The following YIPF3 variants were observed in gnomAD, a reference collection of about 807,000 sequenced individuals.
The protein encoded by YIPF3 is Yip1 domain family member 3, also known as protein YIPF3.
Under a neutral mutation model 40.3 loss-of-function variants are expected in YIPF3, and 18 were observed. The ratio of observed to expected loss-of-function variants is 0.45; its 90% CI spans 0.31 to 0.66. The LOEUF (loss-of-function observed/expected upper bound fraction) is 0.66. Among genes scored for constraint, YIPF3 ranks in the 30% least tolerant of loss-of-function variants. The pLI, the probability that YIPF3 is intolerant of heterozygous loss-of-function variation, is 0.07. For synonymous variants in YIPF3, 190 were observed against 179.6 expected (o/e 1.06, Z -0.46); for missense variants, 406 against 452.2 (o/e 0.90, Z 0.93).
At chr6:43,515,479 G>A (rs1375691015) in intron 3 of YIPF3, 116 bp downstream of exon 3, 46 of 937,240 alleles carry the variant, frequency 4.9e-5, no homozygotes, top group Non-Finnish European at 7.1e-5. Flanking sequence ...GTGATGAGAG[G>A]TGATGGGGTC....
chr6:43,514,400 C>A (rs1183795142), intron 3 of YIPF3, among the ~76,000 whole-genome samples: 1 of 152,254 alleles, frequency 6.6e-6, no homozygotes, highest in Non-Finnish European at 1.5e-5. Flanking sequence ...AACGCCTCCT[C>A]TTCCTGCTTA....
chr6:43,513,788 G>C (rs1278016907), intron 3 of YIPF3, 155 bp from the exon 4 acceptor site: 2 of 630,764 alleles, frequency 3.2e-6, no homozygotes, highest in East Asian at 2.9e-5. Context: ...AGTAAAGACA[G>C]ATAGGGAATG....
chr6:43,513,241 A>C, intron 5 of YIPF3, 41 bp from the exon 6 acceptor site: 1 of 1,613,608 alleles, frequency 6.2e-7, no homozygotes, highest in South Asian at 1.1e-5. Context: ...GAGGCCTCTG[A>C]TCTCAGCCTC....
chr6:43,514,032 G>C (rs919025665), intron 3 of YIPF3, among the ~76,000 whole-genome samples: 1 of 152,208 alleles, frequency 6.6e-6, no homozygotes, highest in Non-Finnish European at 1.5e-5. Context: ...ACAAGGTCAG[G>C]AGTTTGAGGC....
intron 8 of YIPF3, 60 bp downstream of exon 8, chr6:43,512,380 C>CAAG: frequency 6.2e-7 from 1 of 1,614,110 alleles, no homozygotes; most frequent in Non-Finnish European, 8.5e-7. Context: ...TCATATCTAG[C>CAAG]TTCTTGCTCT....
chr6:43,515,531 G>A, intron 3 of YIPF3, 64 bp downstream of exon 3: 2 of 1,557,148 alleles, frequency 1.3e-6, no homozygotes, highest in East Asian at 2.2e-5. Context: ...CTTGAAATCT[G>A]ACTGTAGTGT....
At chr6:43,512,598 C>G in intron 7 of YIPF3, 35 bp from the exon 8 acceptor site, 1 of 1,588,102 alleles carries the variant, frequency 6.3e-7, no homozygotes, top group Non-Finnish European at 8.6e-7. Flanking sequence ...AAGGGCCTGG[C>G]TCCAAAGTGA....
In YIPF3 at chr6:43,515,558, G is replaced by A. The variant is rs1792787942; in HGVS notation, c.395+37C>T. The A allele has an allele frequency of 3.7e-6, 6 of 1,607,430 alleles. No homozygotes were observed. The Admixed American group carries it at 6.7e-5, about 18-fold the overall frequency. On this transcript the variant is annotated intron_variant, in intron 3 of 8. Coordinates refer to ENST00000372422, the MANE Select transcript of YIPF3 (RefSeq NM_015388.4). ...CTGTAGTGTGCATGAAGGTCTAGGTGTTAGGAGGGAAGCTTCTTCAAGAGA... is the reference window on the plus strand; with the variant it reads ...CTGTAGTGTGCATGAAGGTCTAGGTATTAGGAGGGAAGCTTCTTCAAGAGA...
At chr6:43,514,566 C>T (rs1346771109) in intron 3 of YIPF3, among the ~76,000 whole-genome samples, 1 of 152,184 alleles carries the variant, frequency 6.6e-6, no homozygotes, top group East Asian at 1.9e-4. Flanking sequence ...TGTCCTGTCC[C>T]ACCCACCAAC....
intron 3 of YIPF3, among the ~76,000 whole-genome samples, chr6:43,514,483 C>T (rs1002063900): frequency 1.3e-5 from 2 of 152,164 alleles, no homozygotes; most frequent in African/African-American, 2.4e-5. Context: ...TTAGTCACTT[C>T]CCTCTTCTCT....
In YIPF3 at chr6:43,512,182, G is replaced by C. The variant is rs1179468481; in HGVS notation, c.1038C>G (p.Thr346=). Residue 346 remains threonine, a synonymous_variant, in exon 9 of 9, where the codon ACC becomes ACG. Coordinates refer to ENST00000372422, the MANE Select transcript of YIPF3 (RefSeq NM_015388.4). ...TCAGGTGGGGTCAGTGTGACTGCAG[G>C]GTCACCGCAACAGCTTTGGCTGTGG... The part of the protein sequence containing the change: ...LNATAKAVAV[T]LQSH 2 of 1,614,200 alleles carry C rather than the reference G, an allele frequency of 1.2e-6. No homozygotes were observed. The highest frequency in any genetic ancestry group is 1.7e-5 in the Admixed American group (1 of 60,032).
In YIPF3 at chr6:43,513,261, CTTCCGCAGGGGCTG is replaced by C. The variant is rs1792708460; in HGVS notation, c.535-75_535-62del. On this transcript the variant is annotated intron_variant, in intron 5 of 8. Transcript: ENST00000372422. Reference sequence around the variant, plus strand: ...CTCTGATCTCAGCCTCACCTAGGGCCTTCCGCAGGGGCTGTTCCTGTCTCACTCCACCATTGTAT... The same window carrying C: ...CTCTGATCTCAGCCTCACCTAGGGCCTTCCTGTCTCACTCCACCATTGTAT... The C allele has an allele frequency of 3.1e-6, 5 of 1,613,194 alleles. No homozygotes were observed. The East Asian group carries it at 1.1e-4, about 36-fold the overall frequency.
Position 43,516,229 on chromosome 6 carries a change from T to A in YIPF3, c.82-134A>T, listed in dbSNP as rs1266590589. 3 of 1,484,030 alleles carry A rather than the reference T, an allele frequency of 2.0e-6. No homozygotes were observed. In the South Asian group the frequency reaches 4.0e-5, roughly 20 times the overall value. The allele number at this position is 1,484,030 out of a possible 1,614,324, so 91.9% of individuals were successfully genotyped here. A position where few individuals can be genotyped will look rare whatever the true frequency, so the allele number is the denominator to read the frequency against. The stretch of plus-strand genomic sequence containing the variant: ...TTGGAATCACTACAGATCATGCCAC[T>A]CCATTCCCCCTCATATGCTCTCAGA... On this transcript the variant is annotated intron_variant, in intron 1 of 8. Transcript: ENST00000372422.
chr6:43,513,801 G>A (rs1316412908), intron 3 of YIPF3, 168 bp from the exon 4 acceptor site: 1 of 579,062 alleles, frequency 1.7e-6, no homozygotes, highest in Non-Finnish European at 2.8e-6. Context: ...AGGGAATGAG[G>A]AAATCATTTC....
chr6:43,512,576 G>A lies in YIPF3; in HGVS notation c.781-13C>T. 1 of 1,605,756 alleles carries A rather than the reference G, an allele frequency of 6.2e-7. No homozygotes were observed. The highest frequency in any genetic ancestry group is 8.5e-7 in the Non-Finnish European group (1 of 1,176,494). Reference sequence around the variant, plus strand: ...CCAACACTGCTACCTAGGACCATGAGAATACAGCTCAAAGGGCCTGGCTCC... The same window carrying A: ...CCAACACTGCTACCTAGGACCATGAAAATACAGCTCAAAGGGCCTGGCTCC... On this transcript the variant is annotated splice_polypyrimidine_tract_variant and intron_variant, in intron 7 of 8. Transcript: ENST00000372422.
Position 43,513,633 on chromosome 6 carries a change from C to G in YIPF3, c.396G>C (p.Arg132Ser). 1 of 1,557,912 alleles carries G rather than the reference C, an allele frequency of 6.4e-7. No individual in the cohort carries two copies. The highest frequency in any genetic ancestry group is 8.7e-7 in the Non-Finnish European group (1 of 1,152,522). Reference sequence around the variant, plus strand: ...TGATAGGGATCATGGACTCCAGGAGCCTGGGAGAGGAGAGGAGAGATTAAA... The same window carrying G: ...TGATAGGGATCATGGACTCCAGGAGGCTGGGAGAGGAGAGGAGAGATTAAA... ...FDVEPAQVRS[R>S]LLESMIPIKM... Residue 132 changes from arginine to serine, a missense_variant and splice_region_variant, in exon 4 of 9, where the codon AGG (arginine) becomes AGC (serine). Arg to Ser is a moderately radical substitution (Grantham distance 110). Transcript: ENST00000372422.
Position 43,512,327 on chromosome 6 carries a change from A to G in YIPF3, c.905-12T>C, listed in dbSNP as rs751084757. 88 of 1,610,986 alleles carry G rather than the reference A, an allele frequency of 5.5e-5. No individual in the cohort carries two copies. Among genetic ancestry groups the G allele is most frequent in the Non-Finnish European group, 7.3e-5 (86 of 1,178,272 alleles). Reference sequence around the variant, plus strand: ...TGTGTCCAGGATCCCTGGAAGGAAGATGGAAGGTGAGCGAGGATCAGATGG... The same window carrying G: ...TGTGTCCAGGATCCCTGGAAGGAAGGTGGAAGGTGAGCGAGGATCAGATGG... On this transcript the variant is annotated splice_polypyrimidine_tract_variant and intron_variant, in intron 8 of 8. Transcript: ENST00000372422.
Position 43,513,216 on chromosome 6 carries a change from T to G in YIPF3, c.535-16A>C. The stretch of plus-strand genomic sequence containing the variant: ...TGCCCTCCCGCTGTGGGGTGAAGGC[T>G]CTATTTAGTCCTAGGAGGCCTCTGA... On this transcript the variant is annotated splice_polypyrimidine_tract_variant and intron_variant, in intron 5 of 8. Coordinates refer to ENST00000372422, the MANE Select transcript of YIPF3 (RefSeq NM_015388.4). 1 of 1,613,908 alleles carries G rather than the reference T, an allele frequency of 6.2e-7. No individual in the cohort carries two copies. Among genetic ancestry groups the G allele is most frequent in the Non-Finnish European group, 8.5e-7 (1 of 1,179,936 alleles).
In YIPF3 at chr6:43,513,638, G is replaced by C; in HGVS notation, c.396-5C>G. Reference sequence around the variant, plus strand: ...GGGATCATGGACTCCAGGAGCCTGGGAGAGGAGAGGAGAGATTAAAGCAAA... The same window carrying C: ...GGGATCATGGACTCCAGGAGCCTGGCAGAGGAGAGGAGAGATTAAAGCAAA... On this transcript the variant is annotated splice_region_variant and splice_polypyrimidine_tract_variant and intron_variant, in intron 3 of 8. Coordinates refer to ENST00000372422, the MANE Select transcript of YIPF3 (RefSeq NM_015388.4). The C allele has an allele frequency of 6.5e-7, 1 of 1,544,500 alleles. No homozygotes were observed. The highest frequency in any genetic ancestry group is 1.3e-5 in the South Asian group (1 of 79,748).
Sources: allele counts gnomAD v4.1 joint callset (sites outside exome capture counted in the v4.1 genomes callset), GRCh38; gene constraint gnomAD v4.1.1; transcripts MANE v1.5; gene names NCBI Gene and HGNC (gene_info 2026-07-23, HGNC 2026-07-21).